Variants in EFL1 observed in about 807,000 individuals in gnomAD.
The protein encoded by EFL1 is elongation factor like GTPase 1.
A neutral mutation model predicts 126.7 loss-of-function variants in EFL1; 76 were observed. That is an observed-to-expected ratio of 0.60 (90% CI 0.50 to 0.73). EFL1 has a LOEUF of 0.73. Among genes scored for constraint, EFL1 ranks in the 30% least tolerant of loss-of-function variants. The pLI, the probability that EFL1 is intolerant of heterozygous loss-of-function variation, is 0.00. For missense variants in EFL1, 1,128 were observed against 1,343.2 expected, an observed-to-expected ratio of 0.84 and a Z score of 2.50; for synonymous variants, 410 against 448.4, an observed-to-expected ratio of 0.91 and a Z score of 1.08.
At position 82,238,471 on chromosome 15, in the gene EFL1, T is replaced by A. The variant is rs777086650; in HGVS notation, c.567A>T (p.Arg189Ser). 6.2e-7 allele frequency: 1 copy of A among 1,614,086 alleles called. No individual in the cohort carries two copies. The highest frequency in any genetic ancestry group is 2.2e-5 in the East Asian group (1 of 44,870). Residue 189 changes from arginine (R) to serine (S), a missense_variant, in exon 7 of 20, where the codon AGA becomes AGT. Physicochemically the swap from Arg to Ser is moderately radical, Grantham distance 110. Transcript: ENST00000268206. ...CTTGGGATTCAGTCTCCCTCTCTGC[T>A]CTTTCTTCTAGGACTTTAGAAGTAA... ...TLFTSKVLEE[R>S]AERETESQVN...
intron 18 of EFL1, among the ~76,000 whole-genome samples, chr15:82,142,412 C>A (rs1393352173): frequency 6.6e-6 from 1 of 152,092 alleles, no homozygotes; most frequent in African/African-American, 2.4e-5. Flanking sequence ...ATCATCTGAG[C>A]TCAGGAGTTG....
intron 15 of EFL1, among the ~76,000 whole-genome samples, chr15:82,177,005 T>C (rs571007636): frequency 3.9e-5 from 6 of 152,160 alleles, no homozygotes; most frequent in Non-Finnish European, 8.8e-5. Flanking sequence ...AAATGCCCAA[T>C]GCAAGAGCAC....
At chr15:82,209,400 G>A (rs1227346148) in intron 15 of EFL1, among the ~76,000 whole-genome samples, 4 of 151,528 alleles carry the variant, frequency 2.6e-5, no homozygotes, top group African/African-American at 9.7e-5. Flanking sequence ...AACCATGGCA[G>A]ACCTAAAACC....
At chr15:82,208,639 T>G (rs2074550815) in intron 15 of EFL1, among the ~76,000 whole-genome samples, 1 of 151,942 alleles carries the variant, frequency 6.6e-6, no homozygotes, top group African/African-American at 2.4e-5. Context: ...TCGAGTGCTG[T>G]TTTTTTTAAC....
intron 15 of EFL1, among the ~76,000 whole-genome samples, chr15:82,186,277 T>G (rs1443759568): frequency 2.0e-5 from 3 of 152,214 alleles, no homozygotes; most frequent in African/African-American, 7.2e-5. Context: ...TTTCCATCTT[T>G]AATTAATATC....
intron 6 of EFL1, among the ~76,000 whole-genome samples, chr15:82,239,203 C>G (rs1288095651): frequency 6.6e-6 from 1 of 152,118 alleles, no homozygotes; most frequent in African/African-American, 2.4e-5. Context: ...GTGGCGTGAT[C>G]TTGGCTCACC....
chr15:82,210,770 G>A (rs2074575447), intron 15 of EFL1, among the ~76,000 whole-genome samples: 1 of 151,590 alleles, frequency 6.6e-6, no homozygotes, highest in South Asian at 2.1e-4. Context: ...GCTGAACCTG[G>A]AGAATCGTTT....
chr15:82,152,704 T>C (rs1401038628), intron 17 of EFL1, among the ~76,000 whole-genome samples: 1 of 152,076 alleles, frequency 6.6e-6, no homozygotes, highest in Admixed American at 6.6e-5. Context: ...AAACCACCCA[T>C]TTAGATAAGA....
intron 15 of EFL1, among the ~76,000 whole-genome samples, chr15:82,193,697 G>C (rs1468360249): frequency 2.0e-5 from 3 of 152,050 alleles, no homozygotes; most frequent in Non-Finnish European, 2.9e-5. Context: ...CCCTCCTCTG[G>C]CTCGTAAGTG....
intron 15 of EFL1, among the ~76,000 whole-genome samples, chr15:82,212,322 T>A (rs2074598985): frequency 6.6e-6 from 1 of 152,246 alleles, no homozygotes; most frequent in South Asian, 2.1e-4. Flanking sequence ...TAAAAGTGGC[T>A]GTTCTATTTC....
At chr15:82,163,225 C>A (rs1176069357) in intron 16 of EFL1, among the ~76,000 whole-genome samples, 1 of 152,140 alleles carries the variant, frequency 6.6e-6, no homozygotes, top group Non-Finnish European at 1.5e-5. Flanking sequence ...AGATAAGATT[C>A]CAACTAAGAA....
chr15:82,136,229 C>T (rs906454139), intron 19 of EFL1, among the ~76,000 whole-genome samples: 1 of 152,146 alleles, frequency 6.6e-6, no homozygotes, highest in African/African-American at 2.4e-5. Context: ...GATGCCATTA[C>T]AACAGCTCTG....
chr15:82,137,422 C>T lies in EFL1; in HGVS notation c.3174+1236G>A, dbSNP rs368172041. ...AAGCCCTGTGCAATGAATGCCACACCGCTGAGAGCAAGCCAAAATGAATGT... is the reference window on the plus strand; with the variant it reads ...AAGCCCTGTGCAATGAATGCCACACTGCTGAGAGCAAGCCAAAATGAATGT... On this transcript the variant is annotated intron_variant, in intron 19 of 19. Transcript: ENST00000268206. Among the ~76,000 whole-genome samples the T allele has an allele frequency of 1.1e-3, 175 of 152,242 alleles. 1 individual carries two copies. Among genetic ancestry groups the T allele is most frequent in the African/African-American group, 3.9e-3 (162 of 41,522 alleles).
At chr15:82,217,216 G>A (rs1425180634) in intron 14 of EFL1, among the ~76,000 whole-genome samples, 1 of 152,044 alleles carries the variant, frequency 6.6e-6, no homozygotes, top group East Asian at 1.9e-4. Flanking sequence ...CCTATTGGGA[G>A]TGTAAATCAG....
intron 16 of EFL1, among the ~76,000 whole-genome samples, chr15:82,158,758 C>G (rs2073992748): frequency 6.6e-6 from 1 of 152,224 alleles, no homozygotes; most frequent in Non-Finnish European, 1.5e-5. Flanking sequence ...ATTAGAACTT[C>G]TATACCTATT....
At chr15:82,181,999 C>T (rs2074256653) in intron 15 of EFL1, among the ~76,000 whole-genome samples, 1 of 152,204 alleles carries the variant, frequency 6.6e-6, no homozygotes, top group African/African-American at 2.4e-5. Context: ...GTGGCTCACG[C>T]CTGTAATCCC....
At chr15:82,147,874 C>T (rs1310613494) in intron 18 of EFL1, among the ~76,000 whole-genome samples, 1 of 152,084 alleles carries the variant, frequency 6.6e-6, no homozygotes, top group African/African-American at 2.4e-5. Context: ...GATACCAACT[C>T]AGGTGGATCA....
In EFL1 at chr15:82,138,728, C is replaced by G; in HGVS notation, c.3104G>C (p.Gly1035Ala). 1 of 1,613,992 alleles carries G rather than the reference C, an allele frequency of 6.2e-7. No homozygotes were observed. Among genetic ancestry groups the G allele is most frequent in the Non-Finnish European group, 8.5e-7 (1 of 1,179,922 alleles). The change falls in exon 19 of 20, where the codon GGT (glycine) becomes GCT (alanine). Residue 1035 changes from glycine to alanine, a missense_variant. Physicochemically the swap from Gly to Ala is moderately conservative, Grantham distance 60 (BLOSUM62 0). Transcript: ENST00000268206. ...CCTCTTCCTGATTTCATCAGCAAAA[C>G]CAAAGCTTTCAGCAACAGGCAGCAC... is the stretch of plus-strand genomic sequence containing the variant. Reference protein sequence around the residue: ...KAVLPVAESFGFADEIRKRTS... With the variant: ...KAVLPVAESFAFADEIRKRTS...
chr15:82,249,837 G>C (rs180855079), intron 4 of EFL1, among the ~76,000 whole-genome samples: 1 of 152,090 alleles, frequency 6.6e-6, no homozygotes, highest in Non-Finnish European at 1.5e-5. Context: ...GTATGACCTT[G>C]ATGGTTTTCA....
Sources: allele counts gnomAD v4.1 joint callset (sites outside exome capture counted in the v4.1 genomes callset), GRCh38; gene constraint gnomAD v4.1.1; transcripts MANE v1.5; gene names NCBI Gene and HGNC (gene_info 2026-07-23, HGNC 2026-07-21).